Variants in TRAPPC6A observed in about 807,000 individuals in gnomAD.
TRAPPC6A encodes trafficking protein particle complex subunit 6A.
A neutral mutation model predicts 20.8 loss-of-function variants in TRAPPC6A; 25 were observed. That is an observed-to-expected ratio of 1.20 (90% CI 0.88 to 1.68). The LOEUF is 1.68. Ranked by LOEUF, TRAPPC6A falls within the 40% of genes most tolerant of loss-of-function variation. The probability of loss-of-function intolerance (pLI) is 0.00; values close to 1 mark genes in which losing one functional copy is unlikely to be tolerated. For missense variants in TRAPPC6A, 215 were observed against 211.6 expected, an observed-to-expected ratio of 1.02 and a Z score of -0.10; for synonymous variants, 96 against 93.3, an observed-to-expected ratio of 1.03 and a Z score of -0.16.
Position 45,162,995 on chromosome 19 carries a change from C to T in TRAPPC6A, c.*197G>A. 2.1e-6 allele frequency: 1 copy of T among 469,698 alleles called. No homozygotes were observed. Among genetic ancestry groups the T allele is most frequent in the Admixed American group, 4.2e-5 (1 of 24,036 alleles). 29.1% of individuals were successfully genotyped at this position (469,698 alleles called of 1,614,324 possible). ...AGTGACGCTGCCGAGGCGGGAATCC[C>T]ACCACAGTCCTGACCGCAGCTGGGA... On this transcript the variant is annotated 3_prime_UTR_variant, in exon 6 of 6. Transcript: ENST00000585934.
chr19:45,164,532 A>C (rs1488220903), intron 3 of TRAPPC6A, among the ~76,000 whole-genome samples: 2 of 152,160 alleles, frequency 1.3e-5, no homozygotes. Context: ...GGGCAGGTAC[A>C]GCCTGGGTGT....
At chr19:45,177,316 T>G (rs1197301527) in intron 1 of TRAPPC6A, among the ~76,000 whole-genome samples, 1 of 151,008 alleles carries the variant, frequency 6.6e-6, no homozygotes, top group Non-Finnish European at 1.5e-5. Flanking sequence ...AAGACCAGCC[T>G]AGGCAACATG....
intron 1 of TRAPPC6A, among the ~76,000 whole-genome samples, chr19:45,168,285 G>A (rs1023212409): frequency 2.6e-5 from 4 of 152,092 alleles, no homozygotes; most frequent in Admixed American, 1.3e-4. Context: ...TTATAGGCGT[G>A]AGCCACCGCG....
chr19:45,178,163 C>T lies in TRAPPC6A; in HGVS notation c.56G>A (p.Trp19Ter). The change falls in exon 1 of 6, where the codon TGG becomes TAG. Residue 19 changes from tryptophan to a stop codon, truncating the protein, a stop_gained. Coordinates refer to ENST00000585934, the MANE Select transcript of TRAPPC6A (RefSeq NM_001270891.2). LOFTEE classifies it high-confidence loss of function. ...FLHTEMVAEL[W>*]AHDPDPGPGG... is the part of the protein sequence containing the mutation. ...CGGGCCGGGGTCGGGGTCGTGAGCC[C>T]ACAGCTCAGCCACCATCTCCGTGTG... 1 of 1,613,192 alleles carries T rather than the reference C, an allele frequency of 6.2e-7. No homozygotes were observed. Among genetic ancestry groups the T allele is most frequent in the Non-Finnish European group, 8.5e-7 (1 of 1,179,390 alleles).
Position 45,165,301 on chromosome 19 carries a change from G to A in TRAPPC6A, c.85-107C>T, listed in dbSNP as rs1280147957. 28 of 1,077,356 alleles carry A rather than the reference G, an allele frequency of 2.6e-5. No individual in the cohort carries two copies. The East Asian group carries it at 3.3e-4, about 13-fold the overall frequency. The allele number at this position is 1,077,356 out of a possible 1,614,324, so 66.7% of individuals were successfully genotyped here. On this transcript the variant is annotated intron_variant, in intron 1 of 5. Transcript: ENST00000585934. ...CCCAAAGACCAACTTGCTGGTGCTC[G>A]TCAGTTCAGGGGTGAGCAGGGAGGG... is the stretch of plus-strand genomic sequence containing the variant.
intron 3 of TRAPPC6A, 79 bp from the exon 4 acceptor site, chr19:45,164,326 T>A: frequency 2.1e-6 from 2 of 968,130 alleles, no homozygotes; most frequent in Admixed American, 2.7e-5. Flanking sequence ...GGAACCCAGG[T>A]CTTAGATTGG....
intron 1 of TRAPPC6A, among the ~76,000 whole-genome samples, chr19:45,167,292 T>C (rs1053022985): frequency 3.9e-5 from 6 of 152,184 alleles, no homozygotes; most frequent in African/African-American, 9.7e-5. Context: ...AAATGACATA[T>C]GATGAAACCA....
intron 1 of TRAPPC6A, among the ~76,000 whole-genome samples, chr19:45,168,095 C>CT (rs1362203777): frequency 2.0e-5 from 3 of 150,884 alleles, no homozygotes; most frequent in Middle Eastern, 3.4e-3. Context: ...CTCCGCCTCC[C>CT]GGGTTCACGC....
chr19:45,169,955 T>C (rs914059950), intron 1 of TRAPPC6A, among the ~76,000 whole-genome samples: 5 of 152,184 alleles, frequency 3.3e-5, no homozygotes, highest in African/African-American at 9.7e-5. Flanking sequence ...CTCACCTACC[T>C]TGCCTGGCAG....
rs577903384 is a variant in TRAPPC6A at position 45,163,307 on chromosome 19, G to A, written c.449-84C>T. 18 of 1,448,652 alleles carry A rather than the reference G, an allele frequency of 1.2e-5. No individual in the cohort carries two copies. The highest frequency in any genetic ancestry group is 4.7e-5 in the East Asian group (2 of 42,966). 89.7% of individuals were successfully genotyped at this position (1,448,652 alleles called of 1,614,324 possible). A position where few individuals can be genotyped will look rare whatever the true frequency, so the allele number is the denominator to read the frequency against. Reference sequence around the variant, plus strand: ...GGACGGCTCTTAGGCGCTCACCCCCGTCCTGCACTGACACCCCAGTGGCTA... The same window carrying A: ...GGACGGCTCTTAGGCGCTCACCCCCATCCTGCACTGACACCCCAGTGGCTA... On this transcript the variant is annotated intron_variant, in intron 5 of 5. Transcript: ENST00000585934. The surrounding 1 kb of genome is among the most constrained non-coding windows in gnomAD (Gnocchi z 5.3).
Position 45,164,214 on chromosome 19 carries a change from G to GGGGGAAGT in TRAPPC6A, c.303_304insACTTCCCC (p.Leu102ThrfsTer57). Reference sequence around the variant, plus strand: ...AGGCCAGAGGCCATCGGGAGGAGGAGGGGGAAGCTGTTGTCTTGCAGGACG... The same window carrying GGGGGAAGT: ...AGGCCAGAGGCCATCGGGAGGAGGAGGGGGAAGTGGGGAAGCTGTTGTCTTGCAGGACG... On this transcript the variant is annotated frameshift_variant, in exon 4 of 6. Coordinates refer to ENST00000585934, the MANE Select transcript of TRAPPC6A (RefSeq NM_001270891.2). LOFTEE classifies it high-confidence loss of function. The GGGGGAAGT allele has an allele frequency of 6.2e-7, 1 of 1,609,824 alleles. No individual in the cohort carries two copies. The highest frequency in any genetic ancestry group is 1.1e-5 in the South Asian group (1 of 90,268).
At position 45,164,998 on chromosome 19, in the gene TRAPPC6A, G is replaced by A. The variant is rs149332201; in HGVS notation, c.153-28C>T. ...GGTGGGGCAGTACCAAGCTGAGGCC[G>A]TGGGGCCAGGCCAGGAAGAGGGAGG... On this transcript the variant is annotated intron_variant, in intron 2 of 5. Transcript: ENST00000585934. 639 of 1,611,436 alleles carry A rather than the reference G, an allele frequency of 4.0e-4. 3 individuals are homozygous for A. In the East Asian group the frequency reaches 0.012, roughly 31 times the overall value.
chr19:45,174,293 G>C (rs1457535268), intron 1 of TRAPPC6A, among the ~76,000 whole-genome samples: 1 of 152,098 alleles, frequency 6.6e-6, no homozygotes, highest in African/African-American at 2.4e-5. Flanking sequence ...ACTCATATGA[G>C]GGGAGGGAGG....
intron 2 of TRAPPC6A, 59 bp downstream of exon 2, chr19:45,165,068 C>G (rs1969119688): frequency 6.2e-7 from 1 of 1,611,058 alleles, no homozygotes; most frequent in Admixed American, 1.7e-5. Context: ...CCCTCCCCGC[C>G]CGGGGCCTGC....
rs1169610018 is a variant in TRAPPC6A, at chr19:45,172,585, G to C, written c.84+5550C>G. On this transcript the variant is annotated intron_variant, in intron 1 of 5. Transcript: ENST00000585934. This position sits in a 1 kb window ranked among gnomAD's most constrained non-coding sequence, Gnocchi z 4.2. ...CTGGCACACAGATGGGTGAGTGAGG[G>C]GTGGGTGCGAGAAGCCTGCAGGACT... Among the ~76,000 whole-genome samples the C allele has an allele frequency of 1.3e-5, 2 of 151,596 alleles. No individual in the cohort carries two copies. The highest frequency in any genetic ancestry group is 4.9e-5 in the African/African-American group (2 of 40,896).
chr19:45,174,827 T>TA (rs1033091277), intron 1 of TRAPPC6A, among the ~76,000 whole-genome samples: 15 of 150,614 alleles, frequency 1.0e-4, no homozygotes, highest in African/African-American at 2.4e-4. Context: ...AGACTCTCTT[T>TA]AAAAAAAAAT....
At chr19:45,176,460 T>A (rs951465991) in intron 1 of TRAPPC6A, among the ~76,000 whole-genome samples, 2 of 151,918 alleles carry the variant, frequency 1.3e-5, no homozygotes, top group Non-Finnish European at 2.9e-5. Context: ...CAAGACTCTG[T>A]CTCAAAAATA....
At chr19:45,168,169 AT>A (rs374066208) in intron 1 of TRAPPC6A, among the ~76,000 whole-genome samples, 6 of 151,660 alleles carry the variant, frequency 4.0e-5, no homozygotes, top group African/African-American at 1.5e-4. Flanking sequence ...CGCCCAGCTA[AT>A]TTTTTTGTAT....
chr19:45,177,195 A>G lies in TRAPPC6A; in HGVS notation c.84+940T>C, dbSNP rs939798032. ...CCGAGCAGGATGCGCGTGCGCGCAC[A>G]CACACACACACACACACACACACAG... On this transcript the variant is annotated intron_variant, in intron 1 of 5. Transcript: ENST00000585934. Among the ~76,000 whole-genome samples, 105 of 113,776 alleles carry G rather than the reference A, an allele frequency of 9.2e-4. 2 individuals are homozygous for G. The East Asian group carries it at 0.017, about 18-fold the overall frequency. 74.6% of individuals were successfully genotyped at this position (113,776 alleles called of 152,430 possible). A position where few individuals can be genotyped will look rare whatever the true frequency, so the allele number is the denominator to read the frequency against.
Sources: gnomAD v4.1 joint callset for allele counts (sites outside exome capture counted in the v4.1 genomes callset) on GRCh38, gnomAD v4.1.1 for gene constraint, Gnocchi (gnomAD v3.1) non-coding constraint, MANE v1.5 for transcripts, NCBI Gene and HGNC (gene_info 2026-07-23, HGNC 2026-07-21) for gene names.